Variants in FOCAD observed in about 807,000 individuals in gnomAD.
FOCAD encodes the protein focadhesin, also known as KIAA1797.
A neutral mutation model predicts 225.6 loss-of-function variants in FOCAD; 198 were observed. The ratio of observed to expected loss-of-function variants is 0.88; its 90% CI spans 0.78 to 0.99. The LOEUF (loss-of-function observed/expected upper bound fraction) is 0.99, where lower values mean the gene tolerates loss of function less well. FOCAD is among the 50% of genes least tolerant of loss of function. The pLI, the probability that FOCAD is intolerant of heterozygous loss-of-function variation, is 0.00. For missense variants in FOCAD, 2,713 were observed against 2,123.6 expected (o/e 1.28, Z -5.46); for synonymous variants, 897 against 755.0 (o/e 1.19, Z -3.08).
chr9:20,978,762 TA>T (rs1381603411), intron 37 of FOCAD, among the ~76,000 whole-genome samples: 1 of 152,254 alleles, frequency 6.6e-6, no homozygotes, highest in Non-Finnish European at 1.5e-5. Context: ...AACTTATGTT[TA>T]TTTGATTATA....
chr9:20,690,871 G>A (rs1220730273), intron 1 of FOCAD, among the ~76,000 whole-genome samples: 1 of 150,250 alleles, frequency 6.7e-6, no homozygotes, highest in Non-Finnish European at 1.5e-5. Flanking sequence ...CTAAAGGTCT[G>A]TTCCAAATTT....
chr9:20,988,070 A>G (rs1055686096), intron 40 of FOCAD, among the ~76,000 whole-genome samples: 3 of 152,228 alleles, frequency 2.0e-5, no homozygotes, highest in African/African-American at 7.2e-5. Context: ...CAACAAATGC[A>G]TTTTATCACT....
intron 11 of FOCAD, among the ~76,000 whole-genome samples, chr9:20,805,030 C>T (rs1190031743): frequency 6.6e-6 from 1 of 152,206 alleles, no homozygotes; most frequent in Non-Finnish European, 1.5e-5. Flanking sequence ...ACATGTCATG[C>T]ATGTTCTGTA....
In FOCAD at chr9:20,864,132, C is replaced by A. The variant is rs372385375; in HGVS notation, c.2055+1420C>A. On this transcript the variant is annotated intron_variant, in intron 16 of 43. Coordinates refer to ENST00000338382, the MANE Select transcript of FOCAD (RefSeq NM_001375567.1). The stretch of plus-strand genomic sequence containing the variant: ...AGAAATGTAGAAGGGAGAGACCCTC[C>A]TTCCTCCTCCCACTTTCATCTGTGT... Among the ~76,000 whole-genome samples, 4 of 152,156 alleles carry A rather than the reference C, an allele frequency of 2.6e-5. No individual in the cohort carries two copies. In the South Asian group the frequency reaches 8.3e-4, roughly 32 times the overall value.
chr9:20,923,335 A>G (rs548849489), intron 24 of FOCAD, among the ~76,000 whole-genome samples: 2 of 152,310 alleles, frequency 1.3e-5, no homozygotes, highest in African/African-American at 4.8e-5. Flanking sequence ...TTGGCCAAAG[A>G]TGACACAGAA....
intron 22 of FOCAD, among the ~76,000 whole-genome samples, chr9:20,911,853 A>C (rs1025656418): frequency 6.6e-6 from 1 of 152,138 alleles, no homozygotes; most frequent in African/African-American, 2.4e-5. Flanking sequence ...ATATCTTAGA[A>C]CTTTAAAATC....
intron 15 of FOCAD, among the ~76,000 whole-genome samples, chr9:20,828,492 C>G (rs1218087805): frequency 2.0e-5 from 3 of 151,974 alleles, no homozygotes; most frequent in African/African-American, 4.8e-5. Context: ...ACTGTTTAAC[C>G]ATTTGAGGAA....
Position 20,907,177 on chromosome 9 carries a change from C to T in FOCAD, c.2653C>T (p.Arg885Cys), listed in dbSNP as rs188648560. Residue 885 changes from arginine to cysteine, a missense_variant, in exon 22 of 44, where the codon CGT (arginine) becomes TGT (cysteine). By Grantham distance (180) the Arg-to-Cys change is radical (BLOSUM62 -3). Coordinates refer to ENST00000338382, the MANE Select transcript of FOCAD (RefSeq NM_001375567.1). ...TCATATCCAGCTTTCAGAGTGGCAC[C>T]GTGCAATTTTTCTTCCACAGGCCTG... ...EVHIQLSEWH[R>C]AIFLPQAWLA... 38 of 1,613,012 alleles carry T rather than the reference C, an allele frequency of 2.4e-5. No individual in the cohort carries two copies. Among genetic ancestry groups the T allele is most frequent in the Middle Eastern group, 3.3e-4 (2 of 6,054 alleles).
intron 10 of FOCAD, 161 bp from the exon 11 acceptor site, chr9:20,789,190 A>G (rs1820261750): frequency 2.7e-6 from 2 of 729,894 alleles, no homozygotes; most frequent in Non-Finnish European, 4.4e-6. Context: ...TAATCCTATT[A>G]CCTCAAATAT....
chr9:20,729,976 A>G (rs1338293932), intron 4 of FOCAD, among the ~76,000 whole-genome samples: 3 of 152,192 alleles, frequency 2.0e-5, no homozygotes, highest in Non-Finnish European at 4.4e-5. Context: ...CAGCAATAAT[A>G]ATAGAAACAA....
chr9:20,787,068 C>G (rs568890897), intron 10 of FOCAD: 39 of 371,492 alleles, frequency 1.0e-4, no homozygotes, highest in African/African-American at 7.7e-4. Context: ...TCCTGCTGCT[C>G]TAACCTTAGG....
At chr9:20,948,417 A>G (rs1837387337) in intron 31 of FOCAD, 24 bp downstream of exon 31, 3 of 1,598,618 alleles carry the variant, frequency 1.9e-6, no homozygotes, top group Non-Finnish European at 2.6e-6. Flanking sequence ...GTTGTATGCT[A>G]TTTCATATTT....
chr9:20,816,596 G>A (rs1700611025), intron 11 of FOCAD, among the ~76,000 whole-genome samples: 1 of 152,010 alleles, frequency 6.6e-6, no homozygotes, highest in Admixed American at 6.6e-5. Flanking sequence ...AATTGTCAAT[G>A]TCTTGGTGGT....
At chr9:20,707,392 A>C (rs1824478648) in intron 1 of FOCAD, among the ~76,000 whole-genome samples, 1 of 152,172 alleles carries the variant, frequency 6.6e-6, no homozygotes, top group Non-Finnish European at 1.5e-5. Context: ...ATTTTTATGA[A>C]TCATATACAG....
At chr9:20,774,448 A>G (rs1818559071) in intron 8 of FOCAD, among the ~76,000 whole-genome samples, 1 of 152,190 alleles carries the variant, frequency 6.6e-6, no homozygotes, top group Non-Finnish European at 1.5e-5. Flanking sequence ...TTCCTTCTCC[A>G]TTTATTAGCT....
At chr9:20,793,803 G>T (rs981628658) in intron 11 of FOCAD, among the ~76,000 whole-genome samples, 1 of 152,190 alleles carries the variant, frequency 6.6e-6, no homozygotes, top group Non-Finnish European at 1.5e-5. Flanking sequence ...AGCAGGCTTT[G>T]TGGTAACTTT....
At chr9:20,915,429 G>T (rs1438679115) in intron 23 of FOCAD, among the ~76,000 whole-genome samples, 1 of 152,104 alleles carries the variant, frequency 6.6e-6, no homozygotes, top group African/African-American at 2.4e-5. Flanking sequence ...AAGGAAAGAA[G>T]GCATTCTAAG....
Position 20,706,768 on chromosome 9 carries a change from A to G in FOCAD, c.-32-8554A>G, listed in dbSNP as rs189601839. Among the ~76,000 whole-genome samples, 8 of 152,352 alleles carry G rather than the reference A, an allele frequency of 5.3e-5. No homozygotes were observed. In the East Asian group the frequency reaches 1.5e-3, roughly 29 times the overall value. ...TGCAACAAGGAGACCCCAAAATGAA[A>G]TGGTTCAAACAGTGTAGAAGTTTTT... On this transcript the variant is annotated intron_variant, in intron 1 of 43. Transcript: ENST00000338382.
intron 1 of FOCAD, among the ~76,000 whole-genome samples, chr9:20,696,402 T>C (rs981241449): frequency 1.3e-5 from 2 of 152,244 alleles, no homozygotes; most frequent in Non-Finnish European, 2.9e-5. Flanking sequence ...CATTTCACAC[T>C]GTATACATAT....
Sources: allele counts gnomAD v4.1 joint callset (sites outside exome capture counted in the v4.1 genomes callset), GRCh38; gene constraint gnomAD v4.1.1; transcripts MANE v1.5; gene names NCBI Gene and HGNC (gene_info 2026-07-23, HGNC 2026-07-21).